Variants in EYS observed in about 807,000 individuals in gnomAD.
The protein encoded by EYS is protein eyes shut homolog.
Under a neutral mutation model 282.1 loss-of-function variants are expected in EYS, and 250 were observed. That is an observed-to-expected ratio of 0.89 (90% CI 0.80 to 0.98). The LOEUF (loss-of-function observed/expected upper bound fraction) is 0.98. Among genes scored for constraint, EYS ranks in the 50% least tolerant of loss-of-function variants. The probability of loss-of-function intolerance (pLI) is 0.00; values close to 1 mark genes in which losing one functional copy is unlikely to be tolerated. For missense variants in EYS, 4,016 were observed against 3,709.0 expected (o/e 1.08, Z -2.15); for synonymous variants, 1,355 against 1,282.9 (o/e 1.06, Z -1.20).
intron 40 of EYS, among the ~76,000 whole-genome samples, chr6:63,763,233 G>A (rs956296502): frequency 1.3e-5 from 2 of 152,058 alleles, no homozygotes; most frequent in Non-Finnish European, 2.9e-5. Flanking sequence ...TTTCTGGCTA[G>A]AGCAGAAGCT....
intron 29 of EYS, among the ~76,000 whole-genome samples, chr6:64,320,663 T>A (rs1255254396): frequency 1.4e-5 from 2 of 141,358 alleles, no homozygotes; most frequent in Admixed American, 1.5e-4. Context: ...TCTCTATGAT[T>A]TCTTTCCTTA....
chr6:65,445,233 T>C (rs888729452), intron 5 of EYS, among the ~76,000 whole-genome samples: 1 of 151,932 alleles, frequency 6.6e-6, no homozygotes, highest in Non-Finnish European at 1.5e-5. Flanking sequence ...ATATTTCTTA[T>C]AACTTTTTGT....
At chr6:65,237,447 C>G (rs564744544) in intron 12 of EYS, among the ~76,000 whole-genome samples, 1 of 152,182 alleles carries the variant, frequency 6.6e-6, no homozygotes, top group African/African-American at 2.4e-5. Flanking sequence ...CCACACTGAT[C>G]TCAGATATCT....
At chr6:65,100,779 A>C (rs905060647) in intron 12 of EYS, among the ~76,000 whole-genome samples, 9 of 150,876 alleles carry the variant, frequency 6.0e-5, no homozygotes, top group African/African-American at 2.2e-4. Context: ...CTCCAAAAAA[A>C]AAAATAGAAT....
intron 31 of EYS, among the ~76,000 whole-genome samples, chr6:64,206,702 T>TA (rs1219316382): frequency 6.6e-6 from 1 of 152,202 alleles, no homozygotes; most frequent in African/African-American, 2.4e-5. Flanking sequence ...GTGACAGGCT[T>TA]AACCGTCTTA....
At chr6:64,789,459 C>A (rs534472595) in intron 22 of EYS, among the ~76,000 whole-genome samples, 12 of 152,268 alleles carry the variant, frequency 7.9e-5, no homozygotes, top group African/African-American at 2.9e-4. Flanking sequence ...ACTTACAAGT[C>A]TATAAACATG....
chr6:63,876,278 G>A (rs137917686), intron 35 of EYS, among the ~76,000 whole-genome samples: 328 of 152,264 alleles, frequency 2.2e-3, no homozygotes, highest in African/African-American at 7.3e-3. Flanking sequence ...GTAGTTGAGC[G>A]GTTTTGACTG....
rs1168346249 is a variant in EYS, at chr6:63,734,713, T to C, written c.8072-8033A>G. 2.0e-5 allele frequency among the ~76,000 whole-genome samples: 3 copies of C among 152,052 alleles called. No individual in the cohort carries two copies. The East Asian group carries it at 5.8e-4, about 29-fold the overall frequency. On this transcript the variant is annotated intron_variant, in intron 41 of 42. Coordinates refer to ENST00000503581, the MANE Select transcript of EYS (RefSeq NM_001142800.2). ...AGGATAATGTTGTCATTAACTGAAA[T>C]GGGGAAGACTGTGGGAGAAGCAGGT...
chr6:64,574,599 A>C (rs1765824143), intron 26 of EYS, among the ~76,000 whole-genome samples: 1 of 152,172 alleles, frequency 6.6e-6, no homozygotes, highest in African/African-American at 2.4e-5. Context: ...CTGGAAACAA[A>C]GAAAAACCTC....
chr6:63,930,445 A>C (rs546979870), intron 35 of EYS, among the ~76,000 whole-genome samples: 17 of 152,306 alleles, frequency 1.1e-4, no homozygotes, highest in African/African-American at 4.1e-4. Context: ...CATCCTGCAT[A>C]GATTAGTAGT....
intron 30 of EYS, among the ~76,000 whole-genome samples, chr6:64,237,183 CTTT>C (rs1766637233): frequency 6.6e-6 from 1 of 152,114 alleles, no homozygotes; most frequent in Non-Finnish European, 1.5e-5. Flanking sequence ...AATTATATTT[CTTT>C]ATTAATAAGT....
At chr6:63,952,326 C>T (rs1001715540) in intron 35 of EYS, among the ~76,000 whole-genome samples, 11 of 152,198 alleles carry the variant, frequency 7.2e-5, no homozygotes, top group Non-Finnish European at 1.5e-4. Flanking sequence ...AACTCTGGCC[C>T]AAGGCCTTCT....
chr6:65,007,836 C>A (rs1024841380), intron 13 of EYS, among the ~76,000 whole-genome samples: 1 of 152,168 alleles, frequency 6.6e-6, no homozygotes, highest in Non-Finnish European at 1.5e-5. Flanking sequence ...TAGGTAAATT[C>A]TCAGATAACC....
At position 65,149,625 on chromosome 6, in the gene EYS, T is replaced by C. The variant is rs1368619038; in HGVS notation, c.2024-91898A>G. Among the ~76,000 whole-genome samples the C allele has an allele frequency of 2.0e-5, 3 of 151,944 alleles. No homozygotes were observed. The East Asian group carries it at 5.8e-4, about 30-fold the overall frequency. ...GGCTGGACTTCATTGTCCAAATCAC[T>C]ACTAGCATTTTGGTCAAAACCATTC... On this transcript the variant is annotated intron_variant, in intron 12 of 42. Coordinates refer to ENST00000503581, the MANE Select transcript of EYS (RefSeq NM_001142800.2).
chr6:65,535,707 T>C (rs1767939612), intron 2 of EYS, among the ~76,000 whole-genome samples: 1 of 152,170 alleles, frequency 6.6e-6, no homozygotes. Flanking sequence ...TACTCAGCGA[T>C]GTCAAACTTT....
chr6:64,119,920 T>G (rs1214688629), intron 31 of EYS, among the ~76,000 whole-genome samples: 1 of 152,226 alleles, frequency 6.6e-6, no homozygotes, highest in East Asian at 1.9e-4. Flanking sequence ...ATTAACTTTT[T>G]TATGTTTAAA....
intron 35 of EYS, among the ~76,000 whole-genome samples, chr6:63,885,783 G>A (rs989918850): frequency 1.3e-5 from 2 of 152,040 alleles, no homozygotes; most frequent in Non-Finnish European, 2.9e-5. Context: ...TATTCCCTTT[G>A]CAAGAACTTG....
At chr6:63,975,796 C>A (rs1766806407) in intron 35 of EYS, among the ~76,000 whole-genome samples, 1 of 151,938 alleles carries the variant, frequency 6.6e-6, no homozygotes, top group Admixed American at 6.6e-5. Context: ...ATGTAATTCT[C>A]TAGAAGGTGA....
intron 26 of EYS, among the ~76,000 whole-genome samples, chr6:64,489,240 C>A (rs1776664914): frequency 1.3e-5 from 2 of 150,790 alleles, no homozygotes; most frequent in African/African-American, 2.4e-5. Flanking sequence ...TGTACATAGA[C>A]CATAGAAATA....
Sources: gnomAD v4.1 joint callset for allele counts (sites outside exome capture counted in the v4.1 genomes callset) on GRCh38, gnomAD v4.1.1 for gene constraint, MANE v1.5 for transcripts, NCBI Gene and HGNC (gene_info 2026-07-23, HGNC 2026-07-21) for gene names.